Variants in COL5A2 observed in about 807,000 individuals in gnomAD.
The protein encoded by COL5A2 is collagen alpha-2(V) chain.
COL5A2 carries 23 observed loss-of-function variants against 208.2 expected under a neutral mutation model. The ratio of observed to expected loss-of-function variants is 0.11; its 90% CI spans 0.08 to 0.16. The LOEUF is 0.16. Ranked by LOEUF, COL5A2 falls within the 10% of genes least tolerant of loss-of-function variation. COL5A2 has a pLI of 1.00. For missense variants in COL5A2, 1,590 were observed against 1,956.4 expected, an observed-to-expected ratio of 0.81 and a Z score of 3.53; for synonymous variants, 625 against 628.5, an observed-to-expected ratio of 0.99 and a Z score of 0.08.
the COL5A2 span, among the ~76,000 whole-genome samples, chr2:189,424,065 T>C: frequency 6.6e-6 from 1 of 152,172 alleles, no homozygotes; most frequent in East Asian, 1.9e-4. Context: ...TCAATAAATG[T>C]AATACACCAC....
At chr2:189,083,078 G>A (rs1459015931) in intron 12 of COL5A2, among the ~76,000 whole-genome samples, 1 of 152,164 alleles carries the variant, frequency 6.6e-6, no homozygotes, top group African/African-American at 2.4e-5. Flanking sequence ...ATGTGGTACT[G>A]TTGATTGTAC....
At chr2:189,296,881 G>T in the COL5A2 span, among the ~76,000 whole-genome samples, 3 of 152,134 alleles carry the variant, frequency 2.0e-5, no homozygotes, top group African/African-American at 7.2e-5. Context: ...ACGAGAGTAG[G>T]GAATTTGTAT....
chr2:189,191,174 A>C (rs73980179), intron 1 of COL5A2, among the ~76,000 whole-genome samples: 9,281 of 145,628 alleles, frequency 0.064, 612 homozygotes, highest in South Asian at 0.093. Context: ...AAACAACAAA[A>C]AACAACAACA....
chr2:189,042,135 T>G (rs1685574406), intron 49 of COL5A2, among the ~76,000 whole-genome samples: 1 of 152,214 alleles, frequency 6.6e-6, no homozygotes, highest in South Asian at 2.1e-4. Context: ...ATACCAAGAT[T>G]CTTTAAATTA....
At chr2:189,293,886 C>T in the COL5A2 span, among the ~76,000 whole-genome samples, 10 of 152,196 alleles carry the variant, frequency 6.6e-5, no homozygotes, top group African/African-American at 2.4e-4. Context: ...GAGATCGAAA[C>T]CATCCTGGCT....
At chr2:189,374,817 C>A in the COL5A2 span, among the ~76,000 whole-genome samples, 1 of 152,050 alleles carries the variant, frequency 6.6e-6, no homozygotes, top group Non-Finnish European at 1.5e-5. Flanking sequence ...GGATAGAAAT[C>A]ATCACTCTAT....
the COL5A2 span, among the ~76,000 whole-genome samples, chr2:189,252,413 C>T: frequency 6.6e-6 from 1 of 152,124 alleles, no homozygotes; most frequent in Non-Finnish European, 1.5e-5. Context: ...ACATATACAC[C>T]ATGGAATACT....
the COL5A2 span, among the ~76,000 whole-genome samples, chr2:189,234,266 T>C: frequency 6.6e-6 from 1 of 151,794 alleles, no homozygotes; most frequent in African/African-American, 2.4e-5. Flanking sequence ...TTTTATACTC[T>C]GTAATTTTGA....
the COL5A2 span, among the ~76,000 whole-genome samples, chr2:189,315,727 G>A: frequency 6.6e-6 from 1 of 152,174 alleles, no homozygotes; most frequent in East Asian, 1.9e-4. Context: ...AACAACTTCA[G>A]GAAGGTCTCA....
intron 1 of COL5A2, among the ~76,000 whole-genome samples, chr2:189,133,616 C>T (rs1687769208): frequency 6.6e-6 from 1 of 152,038 alleles, no homozygotes; most frequent in Non-Finnish European, 1.5e-5. Flanking sequence ...TCTGAGACAA[C>T]GGAATGAACT....
chr2:189,122,797 G>C (rs1055761139), intron 1 of COL5A2, among the ~76,000 whole-genome samples: 1 of 152,096 alleles, frequency 6.6e-6, no homozygotes, highest in African/African-American at 2.4e-5. Context: ...GAATATTAAC[G>C]TAACTACCTA....
chr2:189,100,274 A>T, intron 3 of COL5A2, 135 bp from the exon 4 acceptor site: 1 of 694,896 alleles, frequency 1.4e-6, no homozygotes. Context: ...CTACAAAAAG[A>T]AAGTTAACAA....
At chr2:189,093,283 G>C (rs776296251) in intron 6 of COL5A2, among the ~76,000 whole-genome samples, 1 of 152,128 alleles carries the variant, frequency 6.6e-6, no homozygotes, top group Admixed American at 6.5e-5. Flanking sequence ...ATCTTGAAAG[G>C]CTTCAAAAAG....
intron 2 of COL5A2, among the ~76,000 whole-genome samples, chr2:189,106,845 C>T (rs983017573): frequency 4.6e-5 from 7 of 151,326 alleles, no homozygotes; most frequent in African/African-American, 1.7e-4. Context: ...AATTCATATA[C>T]TTTCTCTTCA....
chr2:189,293,991 A>G, the COL5A2 span, among the ~76,000 whole-genome samples: 1 of 151,662 alleles, frequency 6.6e-6, no homozygotes, highest in Non-Finnish European at 1.5e-5. Context: ...GTGAGGCTGA[A>G]GCAGGAGAAT....
At chr2:189,422,340 A>C in the COL5A2 span, among the ~76,000 whole-genome samples, 1 of 152,172 alleles carries the variant, frequency 6.6e-6, no homozygotes, top group Admixed American at 6.5e-5. Flanking sequence ...AGATTGAAAT[A>C]ATATTTTAAG....
chr2:189,075,352 T>G, intron 17 of COL5A2, 41 bp downstream of exon 17: 2 of 1,390,012 alleles, frequency 1.4e-6, no homozygotes, highest in Non-Finnish European at 2.0e-6. Flanking sequence ...GAAGAATGCA[T>G]GAATAAATTA....
chr2:189,185,866 G>A (rs1489413651), intron 1 of COL5A2, among the ~76,000 whole-genome samples: 1 of 152,142 alleles, frequency 6.6e-6, no homozygotes, highest in Non-Finnish European at 1.5e-5. Context: ...TGATTCCAAG[G>A]TGTCAATCCC....
chr2:189,282,199 A>T, the COL5A2 span, among the ~76,000 whole-genome samples: 1 of 151,136 alleles, frequency 6.6e-6, no homozygotes, highest in African/African-American at 2.4e-5. Context: ...TATATAAATA[A>T]ATATATATAT....
Sources: allele counts gnomAD v4.1 joint callset (sites outside exome capture counted in the v4.1 genomes callset), GRCh38; gene constraint gnomAD v4.1.1; transcripts MANE v1.5; gene names NCBI Gene and HGNC (gene_info 2026-07-23, HGNC 2026-07-21).